MCF2: variants seen among roughly 807,000 people sequenced by gnomAD.
The protein encoded by MCF2 is MCF.2 cell line derived transforming sequence, also known as proto-oncogene DBL.
In MCF2, 44 loss-of-function variants were observed where a neutral mutation model predicts 82.5. The observed-to-expected ratio is 0.53, with a 90% confidence interval of 0.42 to 0.69. The LOEUF is 0.69. Ranked by LOEUF, MCF2 falls within the 30% of genes least tolerant of loss-of-function variation. MCF2 has a pLI of 0.00. For synonymous variants in MCF2, 217 were observed against 224.9 expected (o/e 0.96, Z 0.32); for missense variants, 623 against 663.1 (o/e 0.94, Z 0.66).
intron 1 of MCF2, among the ~76,000 whole-genome samples, chrX:139,682,955 G>T (rs1368755123): frequency 9.0e-6 from 1 of 110,733 alleles, no homozygotes; most frequent in Non-Finnish European, 1.9e-5. Context: ...TTTGAGTTAG[G>T]GTCTCACTCT....
chrX:139,660,266 ACTCCATAAC>A (rs769802045), intron 1 of MCF2, among the ~76,000 whole-genome samples: 1 of 111,663 alleles, frequency 9.0e-6, no homozygotes, highest in Non-Finnish European at 1.9e-5. Context: ...ACTAGATATG[ACTCCATAAC>A]CTCCCATTTT....
intron 10 of MCF2, among the ~76,000 whole-genome samples, chrX:139,613,898 C>G (rs1488343357): frequency 2.7e-5 from 3 of 111,060 alleles, no homozygotes; most frequent in Admixed American, 1.9e-4. Context: ...CTTTCATAAT[C>G]TTAGCCTAGT....
intron 1 of MCF2, among the ~76,000 whole-genome samples, chrX:139,695,698 T>G (rs1935367464): frequency 8.9e-6 from 1 of 112,061 alleles, no homozygotes; most frequent in South Asian, 3.8e-4. Flanking sequence ...ACCAAACACC[T>G]TCTTTCATGC....
intron 5 of MCF2, 144 bp downstream of exon 8, chrX:139,626,479 T>C: frequency 1.5e-6 from 1 of 679,090 alleles, no homozygotes; most frequent in East Asian, 3.2e-5. Flanking sequence ...AGCAAAATCA[T>C]CTCTGTAGGA....
At chrX:139,682,294 C>T (rs898132881) in intron 1 of MCF2, among the ~76,000 whole-genome samples, 2 of 111,949 alleles carry the variant, frequency 1.8e-5, no homozygotes, top group Non-Finnish European at 3.8e-5. Context: ...TTTCCTTCAG[C>T]CTTCCTTCAG....
chrX:139,652,211 T>G (rs978892470), intron 1 of MCF2, among the ~76,000 whole-genome samples: 1 of 112,037 alleles, frequency 8.9e-6, no homozygotes, highest in Non-Finnish European at 1.9e-5. Flanking sequence ...TTTAATCTTA[T>G]TGAATCCTTA....
At chrX:139,700,273 A>G (rs1341945122) in intron 1 of MCF2, among the ~76,000 whole-genome samples, 1 of 110,836 alleles carries the variant, frequency 9.0e-6, no homozygotes, top group Non-Finnish European at 1.9e-5. Flanking sequence ...TTTTCCATCC[A>G]AGCCAGATTT....
At chrX:139,602,603 C>T in intron 15 of MCF2, 105 bp from the exon 20 acceptor site, 1 of 519,320 alleles carries the variant, frequency 1.9e-6, no homozygotes. Context: ...GGAAATGTGG[C>T]CTAAAGGGCC....
chrX:139,678,934 A>G (rs1934937069), intron 1 of MCF2, among the ~76,000 whole-genome samples: 1 of 112,554 alleles, frequency 8.9e-6, no homozygotes, highest in Non-Finnish European at 1.9e-5. Context: ...ATTTTGAAGG[A>G]CCACCTTAAA....
At chrX:139,655,971 C>T (rs1934183144) in intron 1 of MCF2, among the ~76,000 whole-genome samples, 1 of 112,419 alleles carries the variant, frequency 8.9e-6, no homozygotes, top group South Asian at 3.6e-4. Flanking sequence ...TCAATTTTTC[C>T]ACATTCAGTA....
chrX:139,621,050 T>G lies in MCF2; in HGVS notation c.688-1344A>C, dbSNP rs557598420. Among the ~76,000 whole-genome samples the G allele has an allele frequency of 6.3e-5, 7 of 111,431 alleles. No individual in the cohort carries two copies. In the Admixed American group the frequency reaches 6.7e-4, roughly 11 times the overall value. On this transcript the variant is annotated intron_variant, in intron 6 of 24. Coordinates refer to ENST00000370576, the Ensembl canonical transcript of MCF2. ...GAACCCAGAAATAAAGCCACGCATC[T>G]ACAACCATCAGATCTTTTACCAAAT...
At chrX:139,666,295 T>A (rs1483704732) in intron 1 of MCF2, among the ~76,000 whole-genome samples, 1 of 107,407 alleles carries the variant, frequency 9.3e-6, no homozygotes, top group African/African-American at 3.4e-5. Flanking sequence ...ATCCTTCTAC[T>A]CTCTATGCTT....
chrX:139,590,000 A>G, intron 19 of MCF2, 73 bp from the exon 24 acceptor site: 1 of 614,893 alleles, frequency 1.6e-6, no homozygotes, highest in Non-Finnish European at 2.5e-6. Flanking sequence ...CTACCCTATC[A>G]TATTCTAAGT....
chrX:139,619,621 AT>A lies in MCF2; in HGVS notation c.772del (p.Ile258Ter). 1 of 1,165,659 alleles carries A rather than the reference AT, an allele frequency of 8.6e-7. No individual in the cohort carries two copies. The highest frequency in any genetic ancestry group is 2.3e-5 in the Admixed American group (1 of 43,567). On this transcript the variant is annotated frameshift_variant, in exon 7 of 25. Coordinates refer to ENST00000370576, the Ensembl canonical transcript of MCF2. LOFTEE classifies it high-confidence loss of function. The stretch of plus-strand genomic sequence containing the variant: ...TTCATCTAAGTTTTCCAATTTTTTT[AT>A]TTTTTGTTTTACTTGAGCTATAGTC...
At chrX:139,608,007 ACT>A (rs1289709559) in intron 11 of MCF2, among the ~76,000 whole-genome samples, 1 of 111,786 alleles carries the variant, frequency 8.9e-6, no homozygotes, top group African/African-American at 3.2e-5. Context: ...TTATGTATTA[ACT>A]CTTTATTTAT....
intron 2 of MCF2, 94 bp downstream of exon 2, chrX:139,651,626 A>G: frequency 2.0e-6 from 1 of 493,807 alleles, no homozygotes; most frequent in South Asian, 3.7e-5. Flanking sequence ...ATAGCTCTAT[A>G]TATAGAGAGC....
chrX:139,617,685 T>C, exon 8 of MCF2: 1 of 1,183,650 alleles, frequency 8.4e-7, no homozygotes, highest in South Asian at 2.0e-5. Context: ...TATCACAAAC[T>C]GGGCCTTTGA....
intron 1 of MCF2, among the ~76,000 whole-genome samples, chrX:139,638,785 T>G (rs1933386148): frequency 8.9e-6 from 1 of 111,869 alleles, no homozygotes; most frequent in Non-Finnish European, 1.9e-5. Context: ...TCAATATCAA[T>G]AATATGGACA....
upstream of MCF2, chrX:139,646,985 G>A (rs1933823721): frequency 1.8e-6 from 1 of 568,420 alleles, no homozygotes; most frequent in South Asian, 3.3e-5. Flanking sequence ...TTTGAATACT[G>A]TTTTGCAGCA....
Sources: allele counts gnomAD v4.1 joint callset (sites outside exome capture counted in the v4.1 genomes callset), GRCh38; gene constraint gnomAD v4.1.1; transcripts MANE v1.5; gene names NCBI Gene and HGNC (gene_info 2026-07-23, HGNC 2026-07-21).